SGCG: variants seen among roughly 807,000 people sequenced by gnomAD.
SGCG encodes gamma-sarcoglycan.
SGCG carries 26 observed loss-of-function variants against 29.3 expected under a neutral mutation model. That is an observed-to-expected ratio of 0.89 (90% CI 0.65 to 1.23). SGCG has a LOEUF of 1.23. Among genes scored for constraint, SGCG ranks in the 50% most tolerant of loss-of-function variants. SGCG has a pLI of 0.00. For synonymous variants in SGCG, 145 were observed against 129.7 expected, an observed-to-expected ratio of 1.12 and a Z score of -0.80; for missense variants, 353 against 356.0, an observed-to-expected ratio of 0.99 and a Z score of 0.07.
intron 4 of SGCG, among the ~76,000 whole-genome samples, chr13:23,270,544 T>C (rs1880834113): frequency 3.9e-5 from 6 of 152,232 alleles, no homozygotes; most frequent in Non-Finnish European, 8.8e-5. Context: ...TATTCCTCAG[T>C]AGTTAAGAAT....
rs897403914 is a variant in SGCG at position 23,282,182 on chromosome 13, A to G, written c.505+2704A>G. 2.6e-5 allele frequency among the ~76,000 whole-genome samples: 4 copies of G among 152,164 alleles called. 1 individual carries two copies. The highest frequency in any genetic ancestry group is 2.6e-4 in the Admixed American group (4 of 15,272). On this transcript the variant is annotated intron_variant, in intron 5 of 7. Transcript: ENST00000218867. ...AGACCATAACTCTTCTCAATTTTCC[A>G]GTATGTTAATGGCTTCCTTACATTT...
intron 2 of SGCG, chr13:23,217,471 A>T (rs1878475413): frequency 6.6e-6 from 1 of 152,090 alleles, no homozygotes; most frequent in African/African-American, 2.4e-5. Context: ...TGTCATCCTT[A>T]TAAGGCGCCA....
rs1428591650 is a variant in SGCG, at chr13:23,324,462, T to C, written c.797T>C (p.Val266Ala). ...TCACAGAGCCTCTACGAAATCTGTG[T>C]GTGTCCAGATGGGAAGCTGTACCTG... is the stretch of plus-strand genomic sequence containing the variant. Reference protein sequence around the residue: ...GSSQSLYEICVCPDGKLYLSV... With the variant: ...GSSQSLYEICACPDGKLYLSV... The change falls in exon 8 of 8, where the codon GTG (valine) becomes GCG (alanine). Residue 266 changes from valine (V) to alanine (A), a missense_variant. Physicochemically the swap from Val to Ala is moderately conservative, Grantham distance 64 (BLOSUM62 0). Coordinates refer to ENST00000218867, the MANE Select transcript of SGCG (RefSeq NM_000231.3). 6.2e-7 allele frequency: 1 copy of C among 1,614,002 alleles called. No homozygotes were observed. Among genetic ancestry groups the C allele is most frequent in the South Asian group, 1.1e-5 (1 of 91,064 alleles).
Position 23,192,174 on chromosome 13 carries a change from C to CAAA in SGCG, c.-1+11114_-1+11116dup, listed in dbSNP as rs1201131052. Among the ~76,000 whole-genome samples, 6 of 112,830 alleles carry CAAA rather than the reference C, an allele frequency of 5.3e-5. No homozygotes were observed. In the East Asian group the frequency reaches 6.8e-4, roughly 13 times the overall value. 74.0% of individuals were successfully genotyped at this position (112,830 alleles called of 152,430 possible). ...TGGGCGACAGAGTGAGACTGCGTCC[C>CAAA]AAAAAAAAAAAAAAAAATGAAGGAA... On this transcript the variant is annotated intron_variant, in intron 1 of 7. Transcript: ENST00000218867.
intron 6 of SGCG, among the ~76,000 whole-genome samples, chr13:23,304,109 TAA>T (rs1882275872): frequency 6.6e-6 from 1 of 152,226 alleles, no homozygotes; most frequent in Admixed American, 6.5e-5. Flanking sequence ...TCTCAATTTT[TAA>T]GACTTCTTTA....
intron 4 of SGCG, among the ~76,000 whole-genome samples, chr13:23,257,512 T>C (rs1290517537): frequency 6.6e-6 from 1 of 152,152 alleles, no homozygotes; most frequent in East Asian, 1.9e-4. Flanking sequence ...TTCACTCTGA[T>C]GGTAGTTTCT....
intron 6 of SGCG, among the ~76,000 whole-genome samples, chr13:23,304,723 C>G (rs1464124387): frequency 6.6e-6 from 1 of 152,088 alleles, no homozygotes; most frequent in Non-Finnish European, 1.5e-5. Context: ...CCTGCCTCAG[C>G]CTCCTGAGTA....
chr13:23,201,883 C>G (rs1315961281), intron 1 of SGCG, among the ~76,000 whole-genome samples: 1 of 152,154 alleles, frequency 6.6e-6, no homozygotes, highest in Non-Finnish European at 1.5e-5. Context: ...CTAGTCTGTC[C>G]TTTATAGGAA....
chr13:23,199,232 A>G (rs9578553), intron 1 of SGCG, among the ~76,000 whole-genome samples: 1 of 152,134 alleles, frequency 6.6e-6, no homozygotes, highest in Non-Finnish European at 1.5e-5. Context: ...AATTTTGTTC[A>G]TGATACATTA....
intron 2 of SGCG, among the ~76,000 whole-genome samples, chr13:23,216,039 A>G (rs543945205): frequency 6.6e-6 from 1 of 152,318 alleles, no homozygotes; most frequent in South Asian, 2.1e-4. Context: ...GAAACATATT[A>G]GAATCTTGAA....
upstream of SGCG, among the ~76,000 whole-genome samples, chr13:23,178,810 A>T (rs1876638433): frequency 6.6e-6 from 1 of 152,148 alleles, no homozygotes; most frequent in Non-Finnish European, 1.5e-5. Context: ...TCTGAAAGTG[A>T]TCCCCCGAAC....
At chr13:23,195,531 G>C (rs9317547) in intron 1 of SGCG, among the ~76,000 whole-genome samples, 69,703 of 151,384 alleles carry the variant, frequency 0.46, 16,183 homozygotes, top group Admixed American at 0.51. Flanking sequence ...TCTCTTTTCA[G>C]GTCTGTTAGA....
intron 3 of SGCG, among the ~76,000 whole-genome samples, chr13:23,239,180 T>G (rs1285999080): frequency 6.6e-6 from 1 of 151,812 alleles, no homozygotes; most frequent in Non-Finnish European, 1.5e-5. Context: ...TTAAATTGCT[T>G]AAAAACAAGA....
chr13:23,308,320 T>A (rs1332434177), intron 6 of SGCG, among the ~76,000 whole-genome samples: 1 of 152,224 alleles, frequency 6.6e-6, no homozygotes, highest in Non-Finnish European at 1.5e-5. Flanking sequence ...TTTCTTTTGC[T>A]TTCTGAGTGG....
intron 3 of SGCG, among the ~76,000 whole-genome samples, chr13:23,236,671 C>G (rs146436667): frequency 1.2e-3 from 177 of 151,626 alleles, no homozygotes; most frequent in Non-Finnish European, 1.8e-3. Flanking sequence ...GAGTGAGACT[C>G]CGTCTCCAAA....
At chr13:23,180,844 G>A (rs1032487591), upstream of SGCG, 9 of 152,126 alleles carry the variant, frequency 5.9e-5, no homozygotes, top group Non-Finnish European at 1.0e-4. Context: ...TTTAAGTGTG[G>A]TATGAACTGT....
intron 2 of SGCG, among the ~76,000 whole-genome samples, chr13:23,215,374 T>G (rs1383501772): frequency 6.6e-6 from 1 of 152,220 alleles, no homozygotes; most frequent in Non-Finnish European, 1.5e-5. Context: ...CCAACTAATC[T>G]TATTTACTTG....
At chr13:23,186,640 G>GT (rs1876985327) in intron 1 of SGCG, among the ~76,000 whole-genome samples, 1 of 152,204 alleles carries the variant, frequency 6.6e-6, no homozygotes, top group East Asian at 1.9e-4. Flanking sequence ...ACTGCATTCT[G>GT]AAGTATCCCC....
chr13:23,195,088 A>G (rs9552873), intron 1 of SGCG, among the ~76,000 whole-genome samples: 69,865 of 152,052 alleles, frequency 0.46, 16,216 homozygotes, highest in Admixed American at 0.51. Context: ...GCCAAGAGCT[A>G]GAGGAAATTT....
Sources: gnomAD v4.1 joint callset for allele counts (sites outside exome capture counted in the v4.1 genomes callset) on GRCh38, gnomAD v4.1.1 for gene constraint, MANE v1.5 for transcripts, NCBI Gene and HGNC (gene_info 2026-07-23, HGNC 2026-07-21) for gene names.